Variants in RASA2 observed in about 807,000 individuals in gnomAD.
RASA2 encodes the protein RAS p21 protein activator 2, also known as ras GTPase-activating protein 2.
In RASA2, 155 loss-of-function variants were observed where a neutral mutation model predicts 118.2. The observed-to-expected ratio is 1.31, with a 90% CI of 1.15 to 1.50. The LOEUF (loss-of-function observed/expected upper bound fraction) is 1.50, where lower values mean the gene tolerates loss of function less well. Among genes scored for constraint, RASA2 ranks in the 40% most tolerant of loss-of-function variants. RASA2 has a pLI of 0.00. For missense variants in RASA2, 1,016 were observed against 1,009.6 expected (o/e 1.01, Z -0.09); for synonymous variants, 353 against 349.1 (o/e 1.01, Z -0.12).
intron 17 of RASA2, among the ~76,000 whole-genome samples, chr3:141,581,707 A>C (rs1490466665): frequency 6.6e-6 from 1 of 152,198 alleles, no homozygotes; most frequent in East Asian, 1.9e-4. Context: ...ATAGTAAAAA[A>C]TATATACATT....
rs902770258 is a variant in RASA2 at position 141,512,405 on chromosome 3, A to G, written c.251+125A>G. The G allele has an allele frequency of 1.3e-4, 84 of 665,274 alleles. No homozygotes were observed. In the African/African-American group the frequency reaches 1.4e-3, roughly 11 times the overall value. 41.2% of individuals were successfully genotyped at this position (665,274 alleles called of 1,614,324 possible). ...AGTGCTTGCTTTCATGTGGCTTTTCATTGCCTCAAAATGTATCTTCCTCTT... is the reference window on the plus strand; with the variant it reads ...AGTGCTTGCTTTCATGTGGCTTTTCGTTGCCTCAAAATGTATCTTCCTCTT... On this transcript the variant is annotated intron_variant, in intron 2 of 23. Transcript: ENST00000286364.
At chr3:141,600,296 A>G (rs1451423914) in intron 19 of RASA2, 4 of 538,156 alleles carry the variant, frequency 7.4e-6, no homozygotes, top group Non-Finnish European at 1.5e-5. Flanking sequence ...ACTGCCTCAC[A>G]TTCTTCTCCT....
At chr3:141,502,589 T>C (rs1378953801) in intron 1 of RASA2, among the ~76,000 whole-genome samples, 2 of 152,202 alleles carry the variant, frequency 1.3e-5, no homozygotes, top group Admixed American at 1.3e-4. Flanking sequence ...TGGAACGTTA[T>C]CCTCCGATCC....
chr3:141,590,751 T>C (rs948726798), intron 19 of RASA2, among the ~76,000 whole-genome samples: 4 of 152,228 alleles, frequency 2.6e-5, no homozygotes, highest in Admixed American at 6.5e-5. Flanking sequence ...TCTCTCTTCC[T>C]AATATACAGT....
chr3:141,546,251 T>C (rs2082483764), intron 5 of RASA2, among the ~76,000 whole-genome samples: 1 of 152,228 alleles, frequency 6.6e-6, no homozygotes, highest in African/African-American at 2.4e-5. Flanking sequence ...TTTAGTTTTT[T>C]GAGGAACCTC....
In RASA2 at chr3:141,516,175, A is replaced by G. The variant is rs180691970; in HGVS notation, c.252-153A>G. Among the ~76,000 whole-genome samples, 904 of 151,796 alleles carry G rather than the reference A, an allele frequency of 6.0e-3. 32 individuals are homozygous for G. Among genetic ancestry groups the G allele is most frequent in the Admixed American group, 0.057 (864 of 15,242 alleles). On this transcript the variant is annotated intron_variant, in intron 2 of 23. Coordinates refer to ENST00000286364, the MANE Select transcript of RASA2 (RefSeq NM_006506.5). The stretch of plus-strand genomic sequence containing the variant: ...TGTAACAAAGCTGCACGTTGTGCAC[A>G]TGTACCCTAGAACTTAAAGTATAAT...
rs562681037 is a variant in RASA2 at position 141,580,683 on chromosome 3, G to A, written c.1674+232G>A. Among the ~76,000 whole-genome samples, 5 of 152,190 alleles carry A rather than the reference G, an allele frequency of 3.3e-5. No homozygotes were observed. In the East Asian group the frequency reaches 5.8e-4, roughly 18 times the overall value. Reference sequence around the variant, plus strand: ...CTTGTGTCTTTAATCCCAGGAAGCCGAAGCGGGAAGATGACTTGAGGCCAG... The same window carrying A: ...CTTGTGTCTTTAATCCCAGGAAGCCAAAGCGGGAAGATGACTTGAGGCCAG... On this transcript the variant is annotated intron_variant, in intron 16 of 23. Coordinates refer to ENST00000286364, the MANE Select transcript of RASA2 (RefSeq NM_006506.5).
At chr3:141,537,589 T>C (rs1482012327) in intron 4 of RASA2, among the ~76,000 whole-genome samples, 1 of 152,082 alleles carries the variant, frequency 6.6e-6, no homozygotes, top group African/African-American at 2.4e-5. Flanking sequence ...GCCAACATGG[T>C]GAAACCGTGT....
intron 3 of RASA2, among the ~76,000 whole-genome samples, chr3:141,518,315 T>C (rs894028062): frequency 6.6e-6 from 1 of 150,904 alleles, no homozygotes; most frequent in African/African-American, 2.4e-5. Context: ...TGAAACTGTC[T>C]CTACTAAAAA....
Position 141,607,662 on chromosome 3 carries a change from T to A in RASA2, c.1934-16T>A, listed in dbSNP as rs370232678. On this transcript the variant is annotated splice_polypyrimidine_tract_variant and intron_variant, in intron 19 of 23. Transcript: ENST00000286364. The stretch of plus-strand genomic sequence containing the variant: ...GGAAATTACTTTAATTTTGTTTTAC[T>A]TTTTTTATTATTTAGGCAAAGATGC... The A allele has an allele frequency of 1.2e-5, 18 of 1,559,546 alleles. No individual in the cohort carries two copies. Among genetic ancestry groups the A allele is most frequent in the Non-Finnish European group, 1.6e-5 (18 of 1,159,178 alleles).
At chr3:141,530,941 AGTT>A (rs1286933841) in intron 4 of RASA2, among the ~76,000 whole-genome samples, 5 of 152,268 alleles carry the variant, frequency 3.3e-5, no homozygotes, top group East Asian at 3.9e-4. Flanking sequence ...TTTTATATGT[AGTT>A]ACTTAAATGA....
At chr3:141,566,930 A>G (rs892202005) in intron 9 of RASA2, among the ~76,000 whole-genome samples, 2 of 152,248 alleles carry the variant, frequency 1.3e-5, no homozygotes, top group Admixed American at 6.5e-5. Flanking sequence ...CCCTATTCTG[A>G]CCTATCTACT....
At chr3:141,504,700 C>T (rs995171551) in intron 1 of RASA2, among the ~76,000 whole-genome samples, 2 of 152,088 alleles carry the variant, frequency 1.3e-5, no homozygotes, top group Non-Finnish European at 2.9e-5. Flanking sequence ...AAAATCTTGC[C>T]ATTTTTATGC....
chr3:141,494,984 A>G (rs2081682917), intron 1 of RASA2, among the ~76,000 whole-genome samples: 1 of 152,330 alleles, frequency 6.6e-6, no homozygotes, highest in South Asian at 2.1e-4. Context: ...ATAACGTCTG[A>G]TGGTTGAGAA....
intron 3 of RASA2, among the ~76,000 whole-genome samples, chr3:141,527,032 C>T (rs1006414168): frequency 2.6e-5 from 4 of 152,142 alleles, no homozygotes; most frequent in African/African-American, 4.8e-5. Context: ...TAAATTTCTA[C>T]TCTAGTTTTT....
chr3:141,614,348 G>A lies in RASA2; in HGVS notation c.*2035G>A, dbSNP rs2083695872. On this transcript the variant is annotated 3_prime_UTR_variant, in exon 24 of 24. Transcript: ENST00000286364. ...GACTGGAATTAACCAACTTGGCACA[G>A]CCTAAAAAAGGAGTAATGTGAAATT... is the stretch of plus-strand genomic sequence containing the variant. 6.6e-6 allele frequency: 1 copy of A among 152,104 alleles called. No homozygotes were observed. Among genetic ancestry groups the A allele is most frequent in the Non-Finnish European group, 1.5e-5 (1 of 67,996 alleles). 9.4% of individuals were successfully genotyped at this position (152,104 alleles called of 1,614,324 possible).
chr3:141,495,088 T>A (rs1431490123), intron 1 of RASA2, among the ~76,000 whole-genome samples: 1 of 152,252 alleles, frequency 6.6e-6, no homozygotes, highest in Non-Finnish European at 1.5e-5. Context: ...CAGTGTATCC[T>A]TCAGACAAAG....
intron 14 of RASA2, among the ~76,000 whole-genome samples, chr3:141,574,543 C>G (rs772067869): frequency 6.6e-5 from 10 of 152,156 alleles, no homozygotes; most frequent in Non-Finnish European, 1.5e-4. Flanking sequence ...CTATCTTTCT[C>G]ATAAGAAATC....
chr3:141,546,422 A>G (rs1031520635), intron 5 of RASA2, among the ~76,000 whole-genome samples: 1 of 152,202 alleles, frequency 6.6e-6, no homozygotes, highest in African/African-American at 2.4e-5. Context: ...GTTTTGATTT[A>G]CACTTCTCTG....
Sources: gnomAD v4.1 joint callset for allele counts (sites outside exome capture counted in the v4.1 genomes callset) on GRCh38, gnomAD v4.1.1 for gene constraint, MANE v1.5 for transcripts, NCBI Gene and HGNC (gene_info 2026-07-23, HGNC 2026-07-21) for gene names.